Variants in MSANTD4 observed in about 807,000 individuals in gnomAD.
MSANTD4 encodes the protein Myb/SANT DNA binding domain containing 4 with coiled-coils, also known as myb/SANT-like DNA-binding domain-containing protein 4.
Under a neutral mutation model 34.3 loss-of-function variants are expected in MSANTD4, and 13 were observed. The ratio of observed to expected loss-of-function variants is 0.38; its 90% CI spans 0.25 to 0.60. MSANTD4 has a LOEUF of 0.60. Ranked by LOEUF, MSANTD4 falls within the 20% of genes least tolerant of loss-of-function variation. MSANTD4 has a pLI of 0.63. For missense variants in MSANTD4, 358 were observed against 401.8 expected (o/e 0.89, Z 0.93); for synonymous variants, 137 against 145.2 (o/e 0.94, Z 0.41).
intron 1 of MSANTD4, among the ~76,000 whole-genome samples, chr11:106,011,630 G>GC (rs1253356876): frequency 1.7e-5 from 1 of 58,814 alleles, no homozygotes; most frequent in Non-Finnish European, 3.6e-5. Context: ...CTCAGAGTCT[G>GC]TCCTTTCCCC....
chr11:106,011,182 TA>T (rs1859679412), intron 1 of MSANTD4, 115 bp from the exon 2 acceptor site: 1 of 433,014 alleles, frequency 2.3e-6, no homozygotes, highest in Non-Finnish European at 3.9e-6. Flanking sequence ...AAATATAGCT[TA>T]AAATTGTGTA....
At chr11:106,010,419 G>T in intron 2 of MSANTD4, 37 bp downstream of exon 2, 5 of 1,547,310 alleles carry the variant, frequency 3.2e-6, no homozygotes, top group Non-Finnish European at 4.3e-6. Context: ...CATCAGAATT[G>T]AAAAGATTAA....
chr11:106,016,202 C>A (rs1382828756), intron 1 of MSANTD4, among the ~76,000 whole-genome samples: 2 of 152,226 alleles, frequency 1.3e-5, no homozygotes, highest in East Asian at 3.9e-4. Flanking sequence ...AATTAATACT[C>A]TGGCCTAACA....
chr11:106,010,509 AT>A lies in MSANTD4; in HGVS notation c.408del (p.Ser137ProfsTer2). The A allele has an allele frequency of 6.2e-7, 1 of 1,614,154 alleles. No homozygotes were observed. The highest frequency in any genetic ancestry group is 8.5e-7 in the Non-Finnish European group (1 of 1,180,014). On this transcript the variant is annotated frameshift_variant, in exon 2 of 3. Transcript: ENST00000301919. LOFTEE classifies it high-confidence loss of function. ...QNVADFRDAG[G>X]SLTEVKVEEE... ...TCTTCCACCTTGACCTCAGTTAAGG[AT>A]CCACCTGCATCCCTGAAATCTGCCA... is the stretch of plus-strand genomic sequence containing the variant.
intron 1 of MSANTD4, among the ~76,000 whole-genome samples, chr11:106,015,790 TAATA>T (rs1161607482): frequency 6.6e-6 from 1 of 152,322 alleles, no homozygotes; most frequent in Non-Finnish European, 1.5e-5. Context: ...AAATATTATC[TAATA>T]AATAAAAGAA....
At chr11:106,013,577 T>C (rs1386073908) in intron 1 of MSANTD4, among the ~76,000 whole-genome samples, 1 of 152,226 alleles carries the variant, frequency 6.6e-6, no homozygotes, top group Admixed American at 6.5e-5. Flanking sequence ...AAATGTGTTG[T>C]TGCCCAGGCG....
At chr11:106,020,680 T>A (rs1325489481) in intron 1 of MSANTD4, among the ~76,000 whole-genome samples, 1 of 152,210 alleles carries the variant, frequency 6.6e-6, no homozygotes, top group Admixed American at 6.5e-5. Flanking sequence ...GCAGGGCCTA[T>A]TTTTGACCAA....
At position 106,008,439 on chromosome 11, in the gene MSANTD4, T is replaced by C. The variant is rs1189660230; in HGVS notation, c.*1096A>G. ...GAATTGTTCTACATATTAGGTTAGA[T>C]AGTGTAATAAGTGCTTCTCCAATCC... On this transcript the variant is annotated 3_prime_UTR_variant, in exon 3 of 3. Coordinates refer to ENST00000301919, the MANE Select transcript of MSANTD4 (RefSeq NM_032424.3). 1 of 152,190 alleles carries C rather than the reference T, an allele frequency of 6.6e-6. No homozygotes were observed. Among genetic ancestry groups the C allele is most frequent in the Non-Finnish European group, 1.5e-5 (1 of 68,032 alleles). 9.4% of individuals were successfully genotyped at this position (152,190 alleles called of 1,614,324 possible).
intron 1 of MSANTD4, among the ~76,000 whole-genome samples, chr11:106,020,578 TA>T (rs1470505421): frequency 6.6e-6 from 1 of 152,212 alleles, no homozygotes; most frequent in Non-Finnish European, 1.5e-5. Context: ...CGCATTGTTG[TA>T]AATGTATTGG....
chr11:106,017,731 A>C (rs948520476), intron 1 of MSANTD4, among the ~76,000 whole-genome samples: 1 of 152,230 alleles, frequency 6.6e-6, no homozygotes, highest in Non-Finnish European at 1.5e-5. Context: ...GAAAATGTTA[A>C]GCGATAAAAA....
intron 1 of MSANTD4, among the ~76,000 whole-genome samples, chr11:106,019,505 C>G (rs1591523799): frequency 6.6e-6 from 1 of 152,306 alleles, no homozygotes; most frequent in East Asian, 1.9e-4. Flanking sequence ...CTTGGACTAT[C>G]ACACATATAT....
Position 106,009,389 on chromosome 11 carries a change from C to T in MSANTD4, c.*146G>A. 3 of 704,734 alleles carry T rather than the reference C, an allele frequency of 4.3e-6. No individual in the cohort carries two copies. In the South Asian group the frequency reaches 5.9e-5, roughly 14 times the overall value. 43.7% of individuals were successfully genotyped at this position (704,734 alleles called of 1,614,324 possible). A position where few individuals can be genotyped will look rare whatever the true frequency, so the allele number is the denominator to read the frequency against. ...GCACAGCTTTTATATACTACTTAGG[C>T]ATACAGTTATCCACATATAACTTTT... On this transcript the variant is annotated 3_prime_UTR_variant, in exon 3 of 3. Coordinates refer to ENST00000301919, the MANE Select transcript of MSANTD4 (RefSeq NM_032424.3).
In MSANTD4 at chr11:106,010,048, A is replaced by G. The variant is rs1287068243; in HGVS notation, c.525T>C (p.Asn175=). 10 of 1,598,548 alleles carry G rather than the reference A, an allele frequency of 6.3e-6. No individual in the cohort carries two copies. The part of the protein sequence containing the change: ...SSVIPDSRRE[N]ELPDFPHIDE... ...CAATGTGGGGGAAATCGGGAAGTTC[A>G]TTTTCTCTCCTGGAATCTGGTATGA... Residue 175 remains asparagine (N), a synonymous_variant, in exon 3 of 3, where the codon AAT becomes AAC. Transcript: ENST00000301919.
rs921872891 is a variant in MSANTD4 at position 106,011,931 on chromosome 11, C to A, written c.-150-864G>T. Among the ~76,000 whole-genome samples, 3 of 152,134 alleles carry A rather than the reference C, an allele frequency of 2.0e-5. No homozygotes were observed. In the East Asian group the frequency reaches 5.8e-4, roughly 29 times the overall value. ...ATAAATGCCAACTACCTACATTTTA[C>A]TACTTCACAAATTCAAACTCATTTT... On this transcript the variant is annotated intron_variant, in intron 1 of 2. Transcript: ENST00000301919.
At chr11:106,014,769 T>C (rs1408628729) in intron 1 of MSANTD4, among the ~76,000 whole-genome samples, 1 of 152,232 alleles carries the variant, frequency 6.6e-6, no homozygotes, top group Non-Finnish European at 1.5e-5. Context: ...AACAAATATA[T>C]GCCCATCACC....
intron 2 of MSANTD4, 54 bp from the exon 3 acceptor site, chr11:106,010,164 T>C: frequency 6.9e-7 from 1 of 1,447,520 alleles, no homozygotes; most frequent in South Asian, 1.4e-5. Context: ...TTGTGGCAAT[T>C]TGTCTAAATA....
chr11:106,015,095 C>A (rs1859808636), intron 1 of MSANTD4, among the ~76,000 whole-genome samples: 2 of 152,180 alleles, frequency 1.3e-5, no homozygotes, highest in Non-Finnish European at 2.9e-5. Flanking sequence ...TAGAGATATA[C>A]TCCTCTTACA....
intron 2 of MSANTD4, 118 bp downstream of exon 2, chr11:106,010,338 G>A: frequency 6.9e-7 from 1 of 1,440,214 alleles, no homozygotes; most frequent in South Asian, 1.5e-5. Context: ...AGAATGACTT[G>A]TTATGTACTA....
Position 106,009,258 on chromosome 11 carries a change from G to T in MSANTD4, c.*277C>A, listed in dbSNP as rs1859611987. 3.5e-6 allele frequency: 1 copy of T among 285,582 alleles called. No homozygotes were observed. Among genetic ancestry groups the T allele is most frequent in the South Asian group, 1.0e-4 (1 of 9,870 alleles). The allele number at this position is 285,582 out of a possible 1,614,324, so 17.7% of individuals were successfully genotyped here. A position where few individuals can be genotyped will look rare whatever the true frequency, so the allele number is the denominator to read the frequency against. ...GAACTTCTGGGCTAGAATTTTATATGGACATAATTGTAAACTCTGGGTACA... is the reference window on the plus strand; with the variant it reads ...GAACTTCTGGGCTAGAATTTTATATTGACATAATTGTAAACTCTGGGTACA... On this transcript the variant is annotated 3_prime_UTR_variant, in exon 3 of 3. Coordinates refer to ENST00000301919, the MANE Select transcript of MSANTD4 (RefSeq NM_032424.3).
Sources: allele counts gnomAD v4.1 joint callset (sites outside exome capture counted in the v4.1 genomes callset), GRCh38; gene constraint gnomAD v4.1.1; transcripts MANE v1.5; gene names NCBI Gene and HGNC (gene_info 2026-07-23, HGNC 2026-07-21).